The following BTG1 variants were observed in gnomAD, a reference collection of about 807,000 sequenced individuals.
BTG1 encodes the protein BTG anti-proliferation factor 1, also known as protein BTG1.
BTG1 carries 2 observed loss-of-function variants against 15.2 expected under a neutral mutation model. That is an observed-to-expected ratio of 0.13 (90% CI 0.05 to 0.41). The LOEUF is 0.41. Ranked by LOEUF, BTG1 falls within the 10% of genes least tolerant of loss-of-function variation. The probability of loss-of-function intolerance (pLI) is 0.99; values close to 1 mark genes in which losing one functional copy is unlikely to be tolerated. For missense variants in BTG1, 149 were observed against 215.0 expected (o/e 0.69, Z 1.92); for synonymous variants, 109 against 82.4 (o/e 1.32, Z -1.75).
At position 92,144,109 on chromosome 12, in the gene BTG1, T is replaced by C; in HGVS notation, c.487A>G (p.Asn163Asp). The stretch of plus-strand genomic sequence containing the variant: ...CCTGATACAGTCATCATATTGTAGT[T>C]TTTGGAAGGGCTCGTTCTGCCCAAG... ...LLLGRTSPSK[N>D]YNMMTVSG The change falls in exon 2 of 2, where the codon AAC becomes GAC. Residue 163 changes from asparagine (N) to aspartate (D), a missense_variant. Physicochemically the swap from Asn to Asp is conservative, Grantham distance 23. Around this residue, in one of 3 missense-constraint regions of BTG1, gnomAD observed 52 missense variants for 57.4 expected, o/e 0.91. Transcript: ENST00000256015. The C allele has an allele frequency of 1.9e-6, 3 of 1,613,070 alleles. No individual in the cohort carries two copies. The highest frequency in any genetic ancestry group is 2.5e-6 in the Non-Finnish European group (3 of 1,179,936).
At position 92,142,276 on chromosome 12, in the gene BTG1, G is replaced by T. The variant is rs1315628855; in HGVS notation, c.*1804C>A. 2 of 230,894 alleles carry T rather than the reference G, an allele frequency of 8.7e-6. No homozygotes were observed. The highest frequency in any genetic ancestry group is 1.7e-5 in the Non-Finnish European group (2 of 116,760). The allele number at this position is 230,894 out of a possible 1,614,324, so 14.3% of individuals were successfully genotyped here. A position where few individuals can be genotyped will look rare whatever the true frequency, so the allele number is the denominator to read the frequency against. ...AAATAACTTCTTAAAAGTTATTTGA[G>T]ATTACTAATTTCAAGTAATTACTAA... On this transcript the variant is annotated 3_prime_UTR_variant, in exon 2 of 2. Transcript: ENST00000256015.
rs979781046 is a variant in BTG1, at chr12:92,142,667, A to G, written c.*1413T>C. 3 of 233,004 alleles carry G rather than the reference A, an allele frequency of 1.3e-5. No homozygotes were observed. The highest frequency in any genetic ancestry group is 6.6e-5 in the African/African-American group (3 of 45,362). The allele number at this position is 233,004 out of a possible 1,614,324, so 14.4% of individuals were successfully genotyped here. A position where few individuals can be genotyped will look rare whatever the true frequency, so the allele number is the denominator to read the frequency against. ...ACATCTTGCAGGTGATGAAAAGCAAAAAGCAACCAATCTCTCTGTGGTGTT... is the reference window on the plus strand; with the variant it reads ...ACATCTTGCAGGTGATGAAAAGCAAGAAGCAACCAATCTCTCTGTGGTGTT... On this transcript the variant is annotated 3_prime_UTR_variant, in exon 2 of 2. Coordinates refer to ENST00000256015, the MANE Select transcript of BTG1 (RefSeq NM_001731.3).
In BTG1 at chr12:92,144,065, T is replaced by C. The variant is rs759740821; in HGVS notation, c.*15A>G. The C allele has an allele frequency of 2.9e-5, 47 of 1,609,622 alleles. 1 individual carries two copies. The South Asian group carries it at 4.3e-4, about 15-fold the overall frequency. ...TTATCCATCATCATCAGATGATCCA[T>C]CCACAGACTATATCTTAACCTGATA... On this transcript the variant is annotated 3_prime_UTR_variant, in exon 2 of 2. Coordinates refer to ENST00000256015, the MANE Select transcript of BTG1 (RefSeq NM_001731.3).
At chr12:92,145,255 C>A (rs562271698) in intron 1 of BTG1, 133 bp downstream of exon 1, 2 of 1,286,868 alleles carry the variant, frequency 1.6e-6, no homozygotes, top group African/African-American at 1.6e-5. Context: ...CCCAGCGCAA[C>A]CACACCGGTC....
chr12:92,140,883 C>G lies in BTG1; in HGVS notation c.*3197G>C. The stretch of plus-strand genomic sequence containing the variant: ...GACAAATGTTCTCCATATAGCCTAT[C>G]AAGAGGATTTTATCACATCATTTGA... On this transcript the variant is annotated 3_prime_UTR_variant, in exon 2 of 2. Coordinates refer to ENST00000256015, the MANE Select transcript of BTG1 (RefSeq NM_001731.3). 4.3e-6 allele frequency: 1 copy of G among 232,568 alleles called. No homozygotes were observed. The highest frequency in any genetic ancestry group is 8.5e-6 in the Non-Finnish European group (1 of 117,664). 14.4% of individuals were successfully genotyped at this position (232,568 alleles called of 1,614,324 possible).
chr12:92,145,331 G>A (rs1870513183), intron 1 of BTG1, 57 bp downstream of exon 1: 3 of 1,436,556 alleles, frequency 2.1e-6, no homozygotes, highest in Admixed American at 2.5e-5. Context: ...CCCGACGGCC[G>A]GACTCTGACC....
At chr12:92,145,310 G>A (rs907680488) in intron 1 of BTG1, 78 bp downstream of exon 1, 2 of 1,373,504 alleles carry the variant, frequency 1.5e-6, no homozygotes, top group African/African-American at 3.0e-5. Context: ...CGCTGCCGAG[G>A]TTCCCGCAGC....
In BTG1 at chr12:92,141,577, G is replaced by A. The variant is rs1870229498; in HGVS notation, c.*2503C>T. On this transcript the variant is annotated 3_prime_UTR_variant, in exon 2 of 2. Transcript: ENST00000256015. ...GAAAGTAGTCATCCTATCTTAAAAGGATTTATAATAAAATATTTCAAAACA... is the reference window on the plus strand; with the variant it reads ...GAAAGTAGTCATCCTATCTTAAAAGAATTTATAATAAAATATTTCAAAACA... The A allele has an allele frequency of 4.3e-6, 1 of 230,970 alleles. No homozygotes were observed. Among genetic ancestry groups the A allele is most frequent in the African/African-American group, 2.2e-5 (1 of 45,202 alleles). The allele number at this position is 230,970 out of a possible 1,614,324, so 14.3% of individuals were successfully genotyped here.
In BTG1 at chr12:92,143,146, C is replaced by A; in HGVS notation, c.*934G>T. The A allele has an allele frequency of 4.3e-6, 1 of 232,518 alleles. No homozygotes were observed. Among genetic ancestry groups the A allele is most frequent in the Non-Finnish European group, 8.5e-6 (1 of 117,568 alleles). The allele number at this position is 232,518 out of a possible 1,614,324, so 14.4% of individuals were successfully genotyped here. A position where few individuals can be genotyped will look rare whatever the true frequency, so the allele number is the denominator to read the frequency against. ...TTGATTAAAATGCCAAGATAAGAAA[C>A]GATTTATTATAGAGAGAAGAAAAAT... On this transcript the variant is annotated 3_prime_UTR_variant, in exon 2 of 2. Coordinates refer to ENST00000256015, the MANE Select transcript of BTG1 (RefSeq NM_001731.3).
intron 1 of BTG1, 36 bp from the exon 2 acceptor site, chr12:92,144,483 A>G: frequency 6.2e-7 from 1 of 1,602,692 alleles, no homozygotes; most frequent in Non-Finnish European, 8.5e-7. Context: ...AACAACGCTT[A>G]GGATCGTTAG....
At chr12:92,144,495 T>G in intron 1 of BTG1, 48 bp from the exon 2 acceptor site, 1 of 1,595,350 alleles carries the variant, frequency 6.3e-7, no homozygotes, top group Non-Finnish European at 8.5e-7. Context: ...GATCGTTAGC[T>G]CCCACTGCGG....
rs900756670 is a variant in BTG1 at position 92,142,540 on chromosome 12, A to T, written c.*1540T>A. 4.3e-6 allele frequency: 1 copy of T among 232,556 alleles called. No homozygotes were observed. Among genetic ancestry groups the T allele is most frequent in the African/African-American group, 2.2e-5 (1 of 45,348 alleles). The allele number at this position is 232,556 out of a possible 1,614,324, so 14.4% of individuals were successfully genotyped here. A position where few individuals can be genotyped will look rare whatever the true frequency, so the allele number is the denominator to read the frequency against. ...GTTTTTAGTATTTATCTGAAATAAA[A>T]GTCTGAAAATGAGGAATCGAGAAAG... On this transcript the variant is annotated 3_prime_UTR_variant, in exon 2 of 2. Transcript: ENST00000256015.
rs781137182 is a variant in BTG1 at position 92,143,917 on chromosome 12, A to G, written c.*163T>C. ...TGAAAGGTACTGTCCAAACTATGGCACTGTCACTTAAAATTTTTTTTTTTT... is the reference window on the plus strand; with the variant it reads ...TGAAAGGTACTGTCCAAACTATGGCGCTGTCACTTAAAATTTTTTTTTTTT... On this transcript the variant is annotated 3_prime_UTR_variant, in exon 2 of 2. Transcript: ENST00000256015. 6.8e-6 allele frequency: 5 copies of G among 730,846 alleles called. No homozygotes were observed. The highest frequency in any genetic ancestry group is 8.5e-6 in the Non-Finnish European group (4 of 468,680). The allele number at this position is 730,846 out of a possible 1,614,324, so 45.3% of individuals were successfully genotyped here.
chr12:92,145,181 G>T, intron 1 of BTG1: 1 of 654,344 alleles, frequency 1.5e-6, no homozygotes. Context: ...TTTGCCAGCT[G>T]GGGGGAAGGG....
intron 1 of BTG1, 118 bp downstream of exon 1, chr12:92,145,270 G>T: frequency 7.7e-7 from 1 of 1,306,140 alleles, no homozygotes; most frequent in Non-Finnish European, 9.8e-7. Context: ...CCGGTCCCGC[G>T]GCGGGGCCCA....
At chr12:92,145,313 C>T in intron 1 of BTG1, 75 bp downstream of exon 1, 1 of 1,375,636 alleles carries the variant, frequency 7.3e-7, no homozygotes, top group Non-Finnish European at 9.5e-7. Context: ...TGCCGAGGTT[C>T]CCGCAGCCCC....
rs1168088242 is a variant in BTG1, at chr12:92,141,010, T to G, written c.*3070A>C. On this transcript the variant is annotated 3_prime_UTR_variant, in exon 2 of 2. Transcript: ENST00000256015. ...TTCTGTAAAGAGGAAGAAGAGAGAG[T>G]ATCAGAAATGTTAAAAGTCACGCAG... is the stretch of plus-strand genomic sequence containing the variant. The G allele has an allele frequency of 4.3e-6, 1 of 232,380 alleles. No individual in the cohort carries two copies. The highest frequency in any genetic ancestry group is 8.5e-6 in the Non-Finnish European group (1 of 117,714). The allele number at this position is 232,380 out of a possible 1,614,324, so 14.4% of individuals were successfully genotyped here. A position where few individuals can be genotyped will look rare whatever the true frequency, so the allele number is the denominator to read the frequency against.
chr12:92,145,085 CA>C (rs1870495596), intron 1 of BTG1: 1 of 237,398 alleles, frequency 4.2e-6, no homozygotes, highest in African/African-American at 2.3e-5. Context: ...CCTTTGTCCC[CA>C]AATCCGCCGA....
Position 92,145,194 on chromosome 12 carries a change from C to A in BTG1, c.148+194G>T, listed in dbSNP as rs150273339. On this transcript the variant is annotated intron_variant, in intron 1 of 1. Transcript: ENST00000256015. ...GTTTTGCCAGCTGGGGGGAAGGGGGCGCCCTCCGTCCAGCCCCTAAAGCCT... is the reference window on the plus strand; with the variant it reads ...GTTTTGCCAGCTGGGGGGAAGGGGGAGCCCTCCGTCCAGCCCCTAAAGCCT... 7.0e-5 allele frequency: 54 copies of A among 771,300 alleles called. No homozygotes were observed. In the East Asian group the frequency reaches 1.9e-3, roughly 27 times the overall value. 47.8% of individuals were successfully genotyped at this position (771,300 alleles called of 1,614,324 possible). A position where few individuals can be genotyped will look rare whatever the true frequency, so the allele number is the denominator to read the frequency against.
Sources: allele counts gnomAD v4.1 joint callset, GRCh38; gene constraint gnomAD v4.1.1; regional missense constraint gnomAD v4.1.1; transcripts MANE v1.5; gene names NCBI Gene and HGNC (gene_info 2026-07-23, HGNC 2026-07-21).